The following LRRC37A2 variants were observed in gnomAD, a reference collection of about 807,000 sequenced individuals.
LRRC37A2 encodes leucine rich repeat containing 37 member A2.
In LRRC37A2, 9 loss-of-function variants were observed where a neutral mutation model predicts 68.8. The ratio of observed to expected loss-of-function variants is 0.13; its 90% CI spans 0.08 to 0.23. The LOEUF (loss-of-function observed/expected upper bound fraction) is 0.23, where lower values mean the gene tolerates loss of function less well. Ranked by LOEUF, LRRC37A2 falls within the 10% of genes least tolerant of loss-of-function variation. The pLI is 1.00. For synonymous variants in LRRC37A2, 63 were observed against 367.6 expected, an observed-to-expected ratio of 0.17 and a Z score of 9.48; for missense variants, 168 against 950.4, an observed-to-expected ratio of 0.18 and a Z score of 10.82.
chr17:46,905,069 C>CT, the LRRC37A2 span, among the ~76,000 whole-genome samples: 16 of 150,684 alleles, frequency 1.1e-4, no homozygotes, highest in East Asian at 3.9e-4. Flanking sequence ...GAGAAAAGAC[C>CT]TTTTTTTTTC....
the LRRC37A2 span, among the ~76,000 whole-genome samples, chr17:46,806,589 A>G: frequency 6.6e-6 from 1 of 152,204 alleles, no homozygotes. Flanking sequence ...GACAGTGCAG[A>G]GGTCACAGAC....
chr17:46,836,267 A>G, the LRRC37A2 span, among the ~76,000 whole-genome samples: 1 of 151,728 alleles, frequency 6.6e-6, no homozygotes, highest in Admixed American at 6.6e-5. Flanking sequence ...TTGGAATTCA[A>G]CTGGGGCTCC....
the LRRC37A2 span, among the ~76,000 whole-genome samples, chr17:46,889,647 C>T: frequency 6.6e-6 from 1 of 152,178 alleles, no homozygotes; most frequent in African/African-American, 2.4e-5. Flanking sequence ...CCCTCCCAAC[C>T]CTGGATGGAG....
At chr17:46,957,097 C>T in the LRRC37A2 span, among the ~76,000 whole-genome samples, 1 of 152,034 alleles carries the variant, frequency 6.6e-6, no homozygotes, top group Non-Finnish European at 1.5e-5. Context: ...TCGTGTGAAC[C>T]CAGGAGTTCA....
chr17:46,730,439 A>C, the LRRC37A2 span, among the ~76,000 whole-genome samples: 6 of 152,142 alleles, frequency 3.9e-5, no homozygotes, highest in Non-Finnish European at 7.4e-5. Flanking sequence ...ACAGAGGTAC[A>C]CCCCCTTGGC....
chr17:47,039,046 G>T, the LRRC37A2 span, among the ~76,000 whole-genome samples: 1 of 150,272 alleles, frequency 6.7e-6, no homozygotes, highest in Non-Finnish European at 1.5e-5. Flanking sequence ...TATAGGGCAG[G>T]TCTTCTAGCA....
the LRRC37A2 span, chr17:46,872,651 AGC>A: frequency 1.9e-6 from 3 of 1,613,556 alleles, no homozygotes; most frequent in Non-Finnish European, 2.5e-6. Flanking sequence ...TGCCGGAGGG[AGC>A]CCGGCCTGGC....
At chr17:46,808,446 A>AT in the LRRC37A2 span, among the ~76,000 whole-genome samples, 3 of 152,210 alleles carry the variant, frequency 2.0e-5, no homozygotes, top group Admixed American at 1.3e-4. Context: ...GAACAAGCAA[A>AT]TTTTTACCCC....
At chr17:46,793,580 G>A in the LRRC37A2 span, among the ~76,000 whole-genome samples, 1 of 152,194 alleles carries the variant, frequency 6.6e-6, no homozygotes, top group Non-Finnish European at 1.5e-5. Flanking sequence ...CGACCTGAGG[G>A]CTGGAGGCAT....
chr17:46,539,695 G>C (rs3948492), intron 6 of LRRC37A2, among the ~76,000 whole-genome samples: 1 of 131,492 alleles, frequency 7.6e-6, no homozygotes, highest in Non-Finnish European at 1.6e-5. Context: ...TTGAACCTGG[G>C]AGGCGGAGGT....
At chr17:46,807,336 G>A in the LRRC37A2 span, among the ~76,000 whole-genome samples, 1 of 152,178 alleles carries the variant, frequency 6.6e-6, no homozygotes, top group Admixed American at 6.5e-5. Flanking sequence ...TACAAAATTA[G>A]CTGGGTGTGG....
chr17:46,944,915 C>G, the LRRC37A2 span, among the ~76,000 whole-genome samples: 2 of 152,124 alleles, frequency 1.3e-5, no homozygotes, highest in African/African-American at 2.4e-5. Flanking sequence ...TTTTAACTTT[C>G]TAAGGAGTCT....
chr17:46,936,709 A>T, the LRRC37A2 span: 4 of 984,954 alleles, frequency 4.1e-6, no homozygotes, highest in Non-Finnish European at 4.8e-6. Flanking sequence ...TCATACAGTG[A>T]TGAAATAATC....
chr17:46,872,523 C>A, the LRRC37A2 span: 1 of 1,539,220 alleles, frequency 6.5e-7, no homozygotes, highest in African/African-American at 1.4e-5. Context: ...CTAGCCTGAC[C>A]GGGCGGGAAG....
At chr17:46,585,378 C>T in the LRRC37A2 span, among the ~76,000 whole-genome samples, 2 of 83,884 alleles carry the variant, frequency 2.4e-5, 1 homozygote, top group Non-Finnish European at 6.0e-5. Context: ...TGGATGCCCT[C>T]TGGAGAAATG....
At chr17:46,810,660 C>A in the LRRC37A2 span, among the ~76,000 whole-genome samples, 15 of 152,178 alleles carry the variant, frequency 9.9e-5, 1 homozygote, top group South Asian at 2.9e-3. Context: ...TCTGCACCCC[C>A]CACCCTTCCC....
At chr17:47,000,080 A>AT in the LRRC37A2 span, among the ~76,000 whole-genome samples, 1 of 8,954 alleles carries the variant, frequency 1.1e-4, no homozygotes, top group African/African-American at 2.4e-4. Context: ...AAAATAAAAA[A>AT]TAAAATAAAA....
the LRRC37A2 span, among the ~76,000 whole-genome samples, chr17:46,857,778 A>G: frequency 6.6e-6 from 1 of 152,206 alleles, no homozygotes; most frequent in South Asian, 2.1e-4. Context: ...AGTATGTAGT[A>G]GTATCTCATT....
the LRRC37A2 span, among the ~76,000 whole-genome samples, chr17:46,796,715 T>TGCAAGATGAGC: frequency 6.6e-6 from 1 of 152,216 alleles, no homozygotes; most frequent in Non-Finnish European, 1.5e-5. Flanking sequence ...TGTCCCCTGG[T>TGCAAGATGAGC]GCAAGATGAG....
Sources: allele counts gnomAD v4.1 joint callset (sites outside exome capture counted in the v4.1 genomes callset), GRCh38; gene constraint gnomAD v4.1.1; transcripts MANE v1.5; gene names NCBI Gene and HGNC (gene_info 2026-07-23, HGNC 2026-07-21).